The following BZW2 variants were observed in gnomAD, a reference collection of about 807,000 sequenced individuals.
BZW2 encodes eIF5-mimic protein 1.
A neutral mutation model predicts 53.2 loss-of-function variants in BZW2; 23 were observed. That is an observed-to-expected ratio of 0.43 (90% CI 0.31 to 0.61). The LOEUF is 0.61. BZW2 is among the 20% of genes least tolerant of loss of function. The pLI is 0.09. For missense variants in BZW2, 409 were observed against 503.1 expected (o/e 0.81, Z 1.79); for synonymous variants, 227 against 186.4 (o/e 1.22, Z -1.77).
In BZW2 at chr7:16,671,930, C is replaced by CAA. The variant is rs56356463; in HGVS notation, c.59-2466_59-2465dup. Among the ~76,000 whole-genome samples the CAA allele has an allele frequency of 3.3e-3, 324 of 99,384 alleles. 7 individuals carry two copies. Among genetic ancestry groups the CAA allele is most frequent in the African/African-American group, 0.013 (299 of 23,788 alleles). The allele number at this position is 99,384 out of a possible 152,430, so 65.2% of individuals were successfully genotyped here. ...TGGGTGACAGAGTGAGACCCTGTTT[C>CAA]AAAAAAAAAAAAAAAAATCGGAACA... On this transcript the variant is annotated intron_variant, in intron 2 of 11. Coordinates refer to ENST00000258761, the MANE Select transcript of BZW2 (RefSeq NM_014038.3).
chr7:16,664,350 C>T (rs111967064), intron 1 of BZW2, among the ~76,000 whole-genome samples: 6 of 152,262 alleles, frequency 3.9e-5, no homozygotes, highest in African/African-American at 1.4e-4. Flanking sequence ...GTAAGGAGAG[C>T]TAGTGACAAC....
Position 16,665,494 on chromosome 7 carries a change from G to GA in BZW2, c.55dup (p.Arg19LysfsTer3). 6.2e-7 allele frequency: 1 copy of GA among 1,613,062 alleles called. No homozygotes were observed. On this transcript the variant is annotated frameshift_variant, in exon 2 of 12. Transcript: ENST00000258761. LOFTEE classifies it high-confidence loss of function. The stretch of plus-strand genomic sequence containing the variant: ...TAACAGGCCAGCGGTTCAAAACTCG[G>GA]AAAAGGGGTAGGTTGTGTGTGTGTG...
intron 10 of BZW2, among the ~76,000 whole-genome samples, chr7:16,701,788 A>G (rs1018873785): frequency 6.6e-6 from 1 of 152,206 alleles, no homozygotes; most frequent in African/African-American, 2.4e-5. Flanking sequence ...TGGAAATGAG[A>G]TGAACAAAAT....
intron 3 of BZW2, among the ~76,000 whole-genome samples, chr7:16,678,368 A>G (rs528313839): frequency 6.6e-6 from 1 of 152,184 alleles, no homozygotes; most frequent in Admixed American, 6.5e-5. Context: ...AATAGCAGCT[A>G]TCTTGGTCTT....
intron 10 of BZW2, among the ~76,000 whole-genome samples, chr7:16,700,587 G>C (rs1236262134): frequency 6.6e-6 from 1 of 152,162 alleles, no homozygotes; most frequent in African/African-American, 2.4e-5. Context: ...GGCCAGGGTT[G>C]GGCCTGAGAA....
intron 10 of BZW2, among the ~76,000 whole-genome samples, chr7:16,701,678 T>C (rs1783672271): frequency 6.6e-6 from 1 of 152,194 alleles, no homozygotes; most frequent in South Asian, 2.1e-4. Context: ...ATTAGAACTC[T>C]ACAAATTGAG....
At chr7:16,660,568 A>G (rs574521618) in intron 1 of BZW2, among the ~76,000 whole-genome samples, 27 of 152,210 alleles carry the variant, frequency 1.8e-4, no homozygotes, top group Non-Finnish European at 3.1e-4. Flanking sequence ...AAAAATATTA[A>G]TTAAAAATTT....
chr7:16,685,963 C>G lies in BZW2; in HGVS notation c.464C>G (p.Ser155Trp). ...ETEQTKLAML[S>W]GILLGNGTLP... ...GAGCAGACAAAGTTGGCGATGCTGTCGGGGATTCTGCTGGGCAATGGCACC... is the reference window on the plus strand; with the variant it reads ...GAGCAGACAAAGTTGGCGATGCTGTGGGGGATTCTGCTGGGCAATGGCACC... Residue 155 changes from serine to tryptophan, a missense_variant, in exon 6 of 12, where the codon TCG becomes TGG. By Grantham distance (177) the Ser-to-Trp change is radical. Coordinates refer to ENST00000258761, the MANE Select transcript of BZW2 (RefSeq NM_014038.3). The G allele has an allele frequency of 6.3e-7, 1 of 1,578,942 alleles. No individual in the cohort carries two copies.
intron 7 of BZW2, among the ~76,000 whole-genome samples, chr7:16,691,323 A>G (rs1488448589): frequency 1.3e-5 from 2 of 152,186 alleles, no homozygotes; most frequent in Non-Finnish European, 2.9e-5. Flanking sequence ...ATCCCTGTAA[A>G]CAGAAGCAAA....
intron 1 of BZW2, among the ~76,000 whole-genome samples, chr7:16,648,745 A>G (rs1336114414): frequency 6.6e-6 from 1 of 151,750 alleles, no homozygotes; most frequent in Non-Finnish European, 1.5e-5. Context: ...TTGTTCCCCA[A>G]CCTGCCGGTA....
chr7:16,703,206 C>T (rs1057458293), intron 10 of BZW2, among the ~76,000 whole-genome samples: 3 of 152,146 alleles, frequency 2.0e-5, no homozygotes, highest in Non-Finnish European at 4.4e-5. Flanking sequence ...TACAGGACCC[C>T]TGATTGTAGC....
chr7:16,660,865 A>G (rs948972859), intron 1 of BZW2, among the ~76,000 whole-genome samples: 3 of 152,070 alleles, frequency 2.0e-5, no homozygotes, highest in African/African-American at 4.8e-5. Context: ...TGGGGGTCCA[A>G]TCTGGTCCAC....
At chr7:16,647,890 T>A (rs1275843513) in intron 1 of BZW2, among the ~76,000 whole-genome samples, 1 of 152,208 alleles carries the variant, frequency 6.6e-6, no homozygotes, top group African/African-American at 2.4e-5. Flanking sequence ...TGGGCCATGG[T>A]TACTTGAAGG....
Position 16,689,916 on chromosome 7 carries a change from T to G in BZW2, c.651+10T>G, listed in dbSNP as rs771398715. On this transcript the variant is annotated intron_variant, in intron 7 of 11. Coordinates refer to ENST00000258761, the MANE Select transcript of BZW2 (RefSeq NM_014038.3). ...AGACAAGAGGCTGCTTGTAAGTGTT[T>G]TCTGGTTAAAGAGTTGTATGTATGA... The G allele has an allele frequency of 6.2e-7, 1 of 1,603,402 alleles. No individual in the cohort carries two copies. Among genetic ancestry groups the G allele is most frequent in the South Asian group, 1.1e-5 (1 of 89,696 alleles).
chr7:16,647,861 C>G (rs2128348801), intron 1 of BZW2, among the ~76,000 whole-genome samples: 2 of 152,322 alleles, frequency 1.3e-5, no homozygotes, highest in South Asian at 4.1e-4. Context: ...GCTAGTATTT[C>G]CATCTCTTGT....
chr7:16,669,344 C>T (rs1033267158), intron 2 of BZW2, among the ~76,000 whole-genome samples: 2 of 152,196 alleles, frequency 1.3e-5, no homozygotes, highest in Non-Finnish European at 2.9e-5. Context: ...TCAGGTTCGT[C>T]TCAGAACGCC....
chr7:16,669,099 C>T (rs1286840840), intron 2 of BZW2, among the ~76,000 whole-genome samples: 2 of 152,176 alleles, frequency 1.3e-5, no homozygotes, highest in Non-Finnish European at 2.9e-5. Context: ...TCAGGTTTCT[C>T]CCTGAGACTT....
chr7:16,695,076 G>T, intron 8 of BZW2, 72 bp downstream of exon 8: 3 of 1,380,512 alleles, frequency 2.2e-6, no homozygotes, highest in Non-Finnish European at 2.9e-6. Flanking sequence ...TGTAGCAAAG[G>T]CTTTCCTTAA....
intron 2 of BZW2, among the ~76,000 whole-genome samples, chr7:16,669,153 T>C (rs1320163967): frequency 6.6e-6 from 1 of 152,234 alleles, no homozygotes; most frequent in Admixed American, 6.5e-5. Context: ...TTGGAGACAG[T>C]CTCACTCTGT....
Sources: gnomAD v4.1 joint callset for allele counts (sites outside exome capture counted in the v4.1 genomes callset) on GRCh38, gnomAD v4.1.1 for gene constraint, MANE v1.5 for transcripts, NCBI Gene and HGNC (gene_info 2026-07-23, HGNC 2026-07-21) for gene names.